Variants in JPH1 observed in about 807,000 individuals in gnomAD.
The protein encoded by JPH1 is junctophilin-1.
A neutral mutation model predicts 53.6 loss-of-function variants in JPH1; 12 were observed. The ratio of observed to expected loss-of-function variants is 0.22; its 90% CI spans 0.14 to 0.36. JPH1 has a LOEUF of 0.36. JPH1 is among the 10% of genes least tolerant of loss of function. JPH1 has a pLI of 1.00. For missense variants in JPH1, 808 were observed against 905.5 expected, an observed-to-expected ratio of 0.89 and a Z score of 1.38; for synonymous variants, 375 against 363.8, an observed-to-expected ratio of 1.03 and a Z score of -0.35.
chr8:74,288,189 C>T (rs576187208), intron 2 of JPH1, among the ~76,000 whole-genome samples: 12 of 152,194 alleles, frequency 7.9e-5, no homozygotes, highest in African/African-American at 2.2e-4. Context: ...CAGATGGAGG[C>T]GGGTGGAAAA....
chr8:74,245,688 C>G (rs1044176000), intron 3 of JPH1, among the ~76,000 whole-genome samples: 7 of 152,162 alleles, frequency 4.6e-5, no homozygotes, highest in African/African-American at 1.7e-4. Flanking sequence ...AAAGTCACTT[C>G]CATGTAGTCC....
chr8:74,275,955 A>T (rs1192043144), intron 2 of JPH1, among the ~76,000 whole-genome samples: 2 of 152,212 alleles, frequency 1.3e-5, no homozygotes, highest in South Asian at 2.1e-4. Flanking sequence ...AAATATTTTT[A>T]AAAATATTCC....
Position 74,316,164 on chromosome 8 carries a change from A to G in JPH1, c.380-544T>C, listed in dbSNP as rs186486331. ...ACGTCTTAAATTTTCTGCTACATTC[A>G]GCATCTCTTTTTTTAGTGTAGACAA... On this transcript the variant is annotated intron_variant, in intron 1 of 5. Transcript: ENST00000342232. 7.6e-3 allele frequency among the ~76,000 whole-genome samples: 1,157 copies of G among 152,370 alleles called. 4 individuals are homozygous for G. Among genetic ancestry groups the G allele is most frequent in the Non-Finnish European group, 0.012 (824 of 68,038 alleles).
intron 3 of JPH1, among the ~76,000 whole-genome samples, chr8:74,255,485 G>C: frequency 6.6e-6 from 1 of 152,068 alleles, no homozygotes; most frequent in Admixed American, 6.5e-5. Context: ...ATAGGCATAG[G>C]CAAGGACTTC....
chr8:74,291,762 A>T (rs979633259), intron 2 of JPH1, among the ~76,000 whole-genome samples: 21 of 152,236 alleles, frequency 1.4e-4, no homozygotes, highest in African/African-American at 4.6e-4. Context: ...AATAGCAAAG[A>T]CTTGGAACCA....
At chr8:74,259,886 T>C (rs1806342812) in intron 2 of JPH1, among the ~76,000 whole-genome samples, 1 of 152,256 alleles carries the variant, frequency 6.6e-6, no homozygotes, top group South Asian at 2.1e-4. Flanking sequence ...ATCAAATTCA[T>C]TTCTACGGTA....
chr8:74,320,314 A>G lies in JPH1; in HGVS notation c.379+595T>C, dbSNP rs1313481034. Among the ~76,000 whole-genome samples the G allele has an allele frequency of 6.6e-6, 1 of 152,052 alleles. No homozygotes were observed. Among genetic ancestry groups the G allele is most frequent in the African/African-American group, 2.4e-5 (1 of 41,398 alleles). On this transcript the variant is annotated intron_variant, in intron 1 of 5. Transcript: ENST00000342232. This position sits in a 1 kb window ranked among gnomAD's most constrained non-coding sequence, Gnocchi z 4.4. Reference sequence around the variant, plus strand: ...ATCAGGTGGCCTTTCTGCTCCCATAACTAGGACGTTTCCAAATGCACCCCC... The same window carrying G: ...ATCAGGTGGCCTTTCTGCTCCCATAGCTAGGACGTTTCCAAATGCACCCCC...
In JPH1 at chr8:74,315,970, A is replaced by C. The variant is rs1440626670; in HGVS notation, c.380-350T>G. 1.8e-4 allele frequency among the ~76,000 whole-genome samples: 27 copies of C among 152,236 alleles called. 1 individual carries two copies. The highest frequency in any genetic ancestry group is 1.7e-3 in the Admixed American group (26 of 15,290). The stretch of plus-strand genomic sequence containing the variant: ...GCATCAAAAATTCCTCTTGGGAAGA[A>C]GACAAGGAAACAGTAGAAGATGAAA... On this transcript the variant is annotated intron_variant, in intron 1 of 5. Transcript: ENST00000342232. The surrounding 1 kb of genome is among the most constrained non-coding windows in gnomAD (Gnocchi z 6.3).
chr8:74,239,494 G>C (rs965965659), intron 4 of JPH1, among the ~76,000 whole-genome samples: 4 of 152,184 alleles, frequency 2.6e-5, no homozygotes, highest in Non-Finnish European at 5.9e-5. Flanking sequence ...TAGAATAGTT[G>C]TAATTCTAAA....
In JPH1 at chr8:74,314,853, T is replaced by A; in HGVS notation, c.1139+8A>T. ...CCCAGCAAAACCAACCACCCTGCAT[T>A]TACTTACCTTGAATTTGCTATTTCC... On this transcript the variant is annotated splice_region_variant and intron_variant, in intron 2 of 5. Coordinates refer to ENST00000342232, the MANE Select transcript of JPH1 (RefSeq NM_020647.4). 6.2e-7 allele frequency: 1 copy of A among 1,613,890 alleles called. No homozygotes were observed. Among genetic ancestry groups the A allele is most frequent in the South Asian group, 1.1e-5 (1 of 91,020 alleles).
rs1440398139 is a variant in JPH1 at position 74,286,371 on chromosome 8, T to C, written c.1140-26868A>G. On this transcript the variant is annotated intron_variant, in intron 2 of 5. Transcript: ENST00000342232. ...TATACATTGCATGATGATCAAATCA[T>C]GGTCATTACTGTATTTACTACTTTA... Among the ~76,000 whole-genome samples the C allele has an allele frequency of 2.0e-5, 3 of 152,254 alleles. 1 individual carries two copies. Among genetic ancestry groups the C allele is most frequent in the South Asian group, 4.1e-4 (2 of 4,836 alleles).
Position 74,236,963 on chromosome 8 carries a change from G to A in JPH1, c.*88C>T. The A allele has an allele frequency of 2.9e-6, 1 of 339,830 alleles. No individual in the cohort carries two copies. The highest frequency in any genetic ancestry group is 5.3e-6 in the Non-Finnish European group (1 of 186,924). 21.1% of individuals were successfully genotyped at this position (339,830 alleles called of 1,614,324 possible). ...CCCTGTGTCTGAGTCTGCCTGGGGT[G>A]GGCCATTTAAAGGGCTGACGGCACC... On this transcript the variant is annotated 3_prime_UTR_variant, in exon 6 of 6. Transcript: ENST00000342232.
chr8:74,241,053 ATT>A (rs538209406), intron 4 of JPH1, among the ~76,000 whole-genome samples: 4 of 152,086 alleles, frequency 2.6e-5, no homozygotes, highest in Non-Finnish European at 5.9e-5. Flanking sequence ...ATACATATAT[ATT>A]TTTTTCTTTT....
rs1003005408 is a variant in JPH1, at chr8:74,244,831, G to A, written c.1603C>T (p.Arg535Cys). Residue 535 changes from arginine (R) to cysteine (C), a missense_variant, in exon 4 of 6, where the codon CGC becomes TGC. Arg to Cys is a radical substitution (Grantham distance 180). Transcript: ENST00000342232. ...AVVPQSKYSG[R>C]HHIPNPSNGE... ...TTACTGGGGTTGGGGATGTGGTGGC[G>A]GCCAGAGTACTTGGACTGGGGCACA... The A allele has an allele frequency of 1.2e-5, 19 of 1,614,036 alleles. No homozygotes were observed. Among genetic ancestry groups the A allele is most frequent in the Admixed American group, 1.7e-5 (1 of 59,996 alleles).
At chr8:74,279,470 C>T (rs1396812224) in intron 2 of JPH1, among the ~76,000 whole-genome samples, 1 of 152,144 alleles carries the variant, frequency 6.6e-6, no homozygotes, top group African/African-American at 2.4e-5. Context: ...GTTCCTGACA[C>T]TGGCAGCAGC....
intron 2 of JPH1, among the ~76,000 whole-genome samples, chr8:74,299,620 TG>T (rs1807618992): frequency 6.6e-6 from 1 of 152,176 alleles, no homozygotes; most frequent in Non-Finnish European, 1.5e-5. Context: ...CTGCCTGATG[TG>T]CGAATTGTTC....
rs1346232233 is a variant in JPH1, at chr8:74,271,227, G to C, written c.1140-11724C>G. ...TGGGGAAGTCGACTGAATTGGTAGGGGTAGGGAAAGCTACCCACCAACACC... is the reference window on the plus strand; with the variant it reads ...TGGGGAAGTCGACTGAATTGGTAGGCGTAGGGAAAGCTACCCACCAACACC... On this transcript the variant is annotated intron_variant, in intron 2 of 5. Transcript: ENST00000342232. Among the ~76,000 whole-genome samples the C allele has an allele frequency of 3.9e-5, 6 of 152,222 alleles. No individual in the cohort carries two copies. The East Asian group carries it at 9.7e-4, about 25-fold the overall frequency.
chr8:74,321,352 G>T lies in JPH1; in HGVS notation c.-65C>A, dbSNP rs1432428239. ...ACGCGGGCAGTGCTGGGCACGGCAG[G>T]GTGTAGCTCGGGGGTGGGGGCCCGG... On this transcript the variant is annotated 5_prime_UTR_variant, in exon 1 of 6. Transcript: ENST00000342232. The surrounding 1 kb of genome is among the most constrained non-coding windows in gnomAD (Gnocchi z 4.3). 4 of 1,403,144 alleles carry T rather than the reference G, an allele frequency of 2.9e-6. No homozygotes were observed. In the African/African-American group the frequency reaches 4.5e-5, roughly 16 times the overall value. 86.9% of individuals were successfully genotyped at this position (1,403,144 alleles called of 1,614,324 possible). A position where few individuals can be genotyped will look rare whatever the true frequency, so the allele number is the denominator to read the frequency against.
At chr8:74,316,298 A>T (rs190526139) in intron 1 of JPH1, among the ~76,000 whole-genome samples, 126 of 152,330 alleles carry the variant, frequency 8.3e-4, no homozygotes, top group Admixed American at 2.0e-3. Flanking sequence ...TATGAAAAAA[A>T]TGAGTAATTT....
Sources: gnomAD v4.1 joint callset for allele counts (sites outside exome capture counted in the v4.1 genomes callset) on GRCh38, gnomAD v4.1.1 for gene constraint, Gnocchi (gnomAD v3.1) non-coding constraint, MANE v1.5 for transcripts, NCBI Gene and HGNC (gene_info 2026-07-23, HGNC 2026-07-21) for gene names.